The following IRAG1 variants were observed in gnomAD, a reference collection of about 807,000 sequenced individuals.
The protein encoded by IRAG1 is inositol 1,4,5-triphosphate receptor associated 1.
IRAG1 carries 62 observed loss-of-function variants against 106.2 expected under a neutral mutation model. That is an observed-to-expected ratio of 0.58 (90% CI 0.48 to 0.72). IRAG1 has a LOEUF of 0.72. Among genes scored for constraint, IRAG1 ranks in the 30% least tolerant of loss-of-function variants. The pLI is 0.00. For missense variants in IRAG1, 1,064 were observed against 1,140.7 expected, an observed-to-expected ratio of 0.93 and a Z score of 0.97; for synonymous variants, 462 against 443.9, an observed-to-expected ratio of 1.04 and a Z score of -0.51.
intron 1 of IRAG1, among the ~76,000 whole-genome samples, chr11:10,664,298 T>C (rs1462436694): frequency 6.6e-6 from 1 of 152,186 alleles, no homozygotes; most frequent in Admixed American, 6.5e-5. Flanking sequence ...CCCCGCCTCC[T>C]GTTCATCTCC....
intron 17 of IRAG1, among the ~76,000 whole-genome samples, chr11:10,592,119 T>C (rs1051819977): frequency 1.3e-5 from 2 of 152,188 alleles, no homozygotes; most frequent in African/African-American, 4.8e-5. Context: ...TTCCAGGTTG[T>C]GTTGTTGCAA....
intron 9 of IRAG1, among the ~76,000 whole-genome samples, chr11:10,625,342 C>G (rs552084256): frequency 6.6e-6 from 1 of 152,154 alleles, no homozygotes; most frequent in African/African-American, 2.4e-5. Context: ...TATCTGGTCT[C>G]TATCTCTGGA....
chr11:10,575,173 G>GA lies in IRAG1; in HGVS notation c.*1158dup, dbSNP rs1850754119. The GA allele has an allele frequency of 6.6e-6, 1 of 152,226 alleles. No individual in the cohort carries two copies. Among genetic ancestry groups the GA allele is most frequent in the African/African-American group, 2.4e-5 (1 of 41,458 alleles). The allele number at this position is 152,226 out of a possible 1,614,324, so 9.4% of individuals were successfully genotyped here. A position where few individuals can be genotyped will look rare whatever the true frequency, so the allele number is the denominator to read the frequency against. ...AAGTGGGGAGAGAAGTCAAAATGGAGAGGGGATGTGCTCCTTCAGTGTTGT... is the reference window on the plus strand; with the variant it reads ...AAGTGGGGAGAGAAGTCAAAATGGAGAAGGGGATGTGCTCCTTCAGTGTTGT... On this transcript the variant is annotated 3_prime_UTR_variant, in exon 21 of 21. Transcript: ENST00000423302.
At chr11:10,650,701 C>G (rs1020082554) in intron 2 of IRAG1, among the ~76,000 whole-genome samples, 2 of 152,114 alleles carry the variant, frequency 1.3e-5, no homozygotes, top group Non-Finnish European at 1.5e-5. Context: ...GCAGCAGGAC[C>G]CACTATTTCC....
rs146040522 is a variant in IRAG1 at position 10,612,844 on chromosome 11, C to A, written c.1448-2993G>T. Among the ~76,000 whole-genome samples, 326 of 152,048 alleles carry A rather than the reference C, an allele frequency of 2.1e-3. 1 individual carries two copies. Among genetic ancestry groups the A allele is most frequent in the African/African-American group, 7.5e-3 (309 of 41,476 alleles). ...GAAATTAGAGTTGGGATGAGAAGAT[C>A]ATGCAAAGATGGAAGATGATTGCTA... On this transcript the variant is annotated intron_variant, in intron 10 of 20. Coordinates refer to ENST00000423302, the MANE Select transcript of IRAG1 (RefSeq NM_130385.4).
intron 1 of IRAG1, among the ~76,000 whole-genome samples, chr11:10,675,273 G>A (rs1025966958): frequency 4.6e-5 from 7 of 152,206 alleles, no homozygotes; most frequent in African/African-American, 1.4e-4. Context: ...GAGTGCCTTT[G>A]TCAGACCCCA....
At chr11:10,627,916 G>A (rs915176991) in intron 7 of IRAG1, 57 bp downstream of exon 7, 55 of 1,579,670 alleles carry the variant, frequency 3.5e-5, no homozygotes, top group Middle Eastern at 1.7e-4. Flanking sequence ...GGTGTTCGGG[G>A]TAAGGGGAGA....
intron 10 of IRAG1, chr11:10,616,899 C>T (rs1564909686): frequency 2.9e-6 from 1 of 344,200 alleles, no homozygotes; most frequent in African/African-American, 2.2e-5. Context: ...TCTCCCAGGA[C>T]TAGCTCATTC....
At chr11:10,674,714 T>C (rs1860513048) in intron 1 of IRAG1, among the ~76,000 whole-genome samples, 4 of 152,130 alleles carry the variant, frequency 2.6e-5, no homozygotes, top group Admixed American at 2.6e-4. Context: ...GACAGGCACA[T>C]GAAAGGGAAT....
chr11:10,638,831 G>T (rs963293522), intron 2 of IRAG1, among the ~76,000 whole-genome samples: 1 of 152,166 alleles, frequency 6.6e-6, no homozygotes, highest in African/African-American at 2.4e-5. Context: ...AAAAATAATT[G>T]TGGTGGTATT....
At chr11:10,682,113 T>C (rs141287056) in intron 1 of IRAG1, among the ~76,000 whole-genome samples, 41 of 152,346 alleles carry the variant, frequency 2.7e-4, no homozygotes, top group African/African-American at 9.1e-4. Flanking sequence ...AGAGATAATA[T>C]TATAACCTGT....
intron 20 of IRAG1, among the ~76,000 whole-genome samples, chr11:10,576,907 C>T (rs150791275): frequency 1.3e-5 from 2 of 152,288 alleles, no homozygotes; most frequent in African/African-American, 2.4e-5. Flanking sequence ...CATCTATTCA[C>T]GGGGTGATTA....
At chr11:10,595,140 G>T (rs981521514) in intron 15 of IRAG1, among the ~76,000 whole-genome samples, 1 of 148,858 alleles carries the variant, frequency 6.7e-6, no homozygotes, top group Non-Finnish European at 1.5e-5. Context: ...GGCCAGGCTG[G>T]TCTCCAACTC....
At chr11:10,606,661 T>G in intron 12 of IRAG1, 81 bp downstream of exon 12, 1 of 1,396,072 alleles carries the variant, frequency 7.2e-7, no homozygotes. Flanking sequence ...ATGTCAGAGC[T>G]AGAGTCTGGA....
rs934594321 is a variant in IRAG1, at chr11:10,665,792, A to G, written c.68-13610T>C. 2.6e-5 allele frequency among the ~76,000 whole-genome samples: 4 copies of G among 152,090 alleles called. No individual in the cohort carries two copies. Among genetic ancestry groups the G allele is most frequent in the Admixed American group, 2.6e-4 (4 of 15,260 alleles). On this transcript the variant is annotated intron_variant, in intron 1 of 20. Transcript: ENST00000423302. This position sits in a 1 kb window ranked among gnomAD's most constrained non-coding sequence, Gnocchi z 4.2. ...GCCAGGGTCTTTTTTTCACCAATAGACTCTGAGCTGAACTGCAGGATGGTG... is the reference window on the plus strand; with the variant it reads ...GCCAGGGTCTTTTTTTCACCAATAGGCTCTGAGCTGAACTGCAGGATGGTG...
chr11:10,688,603 C>G (rs1861835794), intron 1 of IRAG1, among the ~76,000 whole-genome samples: 1 of 152,108 alleles, frequency 6.6e-6, no homozygotes, highest in South Asian at 2.1e-4. Flanking sequence ...CTCAGCCTCT[C>G]TCATTGAGCC....
chr11:10,666,695 G>A (rs1859810937), intron 1 of IRAG1, among the ~76,000 whole-genome samples: 1 of 152,250 alleles, frequency 6.6e-6, no homozygotes, highest in Admixed American at 6.5e-5. Context: ...TCATTCTCGT[G>A]AAGTATTTTC....
chr11:10,593,272 C>T, intron 17 of IRAG1: 1 of 404,214 alleles, frequency 2.5e-6, no homozygotes, highest in African/African-American at 2.1e-5. Flanking sequence ...CGCTGAGCTG[C>T]CAACACCATG....
At chr11:10,578,710 A>G (rs539621403) in intron 20 of IRAG1, among the ~76,000 whole-genome samples, 1 of 152,376 alleles carries the variant, frequency 6.6e-6, no homozygotes, top group East Asian at 1.9e-4. Context: ...CTGGACAGAA[A>G]GGAACCAAGC....
Sources: gnomAD v4.1 joint callset for allele counts (sites outside exome capture counted in the v4.1 genomes callset) on GRCh38, gnomAD v4.1.1 for gene constraint, Gnocchi (gnomAD v3.1) non-coding constraint, MANE v1.5 for transcripts, NCBI Gene and HGNC (gene_info 2026-07-23, HGNC 2026-07-21) for gene names.